Variants in CACNA2D3 observed in about 807,000 individuals in gnomAD.
The protein encoded by CACNA2D3 is voltage-dependent calcium channel subunit alpha-2/delta-3.
A neutral mutation model predicts 160.6 loss-of-function variants in CACNA2D3; 60 were observed. That is an observed-to-expected ratio of 0.37 (90% CI 0.30 to 0.46). The LOEUF (loss-of-function observed/expected upper bound fraction) is 0.46. Among genes scored for constraint, CACNA2D3 ranks in the 20% least tolerant of loss-of-function variants. The probability of loss-of-function intolerance (pLI) is 1.00; values close to 1 mark genes in which losing one functional copy is unlikely to be tolerated. For missense variants in CACNA2D3, 1,205 were observed against 1,365.0 expected (o/e 0.88, Z 1.85); for synonymous variants, 558 against 492.9 (o/e 1.13, Z -1.75).
intron 27 of CACNA2D3, chr3:54,925,016 T>C (rs1223402723): frequency 6.2e-7 from 1 of 1,614,128 alleles, no homozygotes; most frequent in East Asian, 2.2e-5. Context: ...CTGACCTAAA[T>C]GCAAAAGCAG....
intron 4 of CACNA2D3, among the ~76,000 whole-genome samples, chr3:54,387,656 A>ACAT (rs1312248097): frequency 3.3e-4 from 48 of 146,618 alleles, no homozygotes; most frequent in African/African-American, 1.1e-3. Context: ...TGTCTCAAAT[A>ACAT]AATAAGTAAG....
intron 2 of CACNA2D3, among the ~76,000 whole-genome samples, chr3:54,215,191 C>T (rs1354606205): frequency 1.3e-5 from 2 of 152,126 alleles, no homozygotes; most frequent in African/African-American, 4.8e-5. Context: ...ATCCTACCCC[C>T]CAGCTTTATT....
chr3:54,236,503 G>A (rs1701879268), intron 2 of CACNA2D3, among the ~76,000 whole-genome samples: 1 of 151,934 alleles, frequency 6.6e-6, no homozygotes, highest in South Asian at 2.1e-4. Context: ...GTAAACTCTG[G>A]AATTATTGTC....
intron 5 of CACNA2D3, among the ~76,000 whole-genome samples, chr3:54,504,702 A>C (rs1215696190): frequency 6.6e-6 from 1 of 152,210 alleles, no homozygotes; most frequent in Non-Finnish European, 1.5e-5. Flanking sequence ...CCAGTTTCCA[A>C]ATCATATACA....
chr3:55,029,984 G>A (rs754140910), intron 35 of CACNA2D3, among the ~76,000 whole-genome samples: 6 of 152,086 alleles, frequency 3.9e-5, no homozygotes, highest in Non-Finnish European at 7.4e-5. Flanking sequence ...ATTTCTAAAC[G>A]AGTCAGCTTT....
At chr3:54,518,123 A>C (rs1228033981) in intron 5 of CACNA2D3, among the ~76,000 whole-genome samples, 1 of 152,004 alleles carries the variant, frequency 6.6e-6, no homozygotes, top group Non-Finnish European at 1.5e-5. Context: ...AGGGCTGGGG[A>C]TGGGGGTGGA....
At chr3:54,860,025 T>C (rs1228071185) in intron 17 of CACNA2D3, among the ~76,000 whole-genome samples, 1 of 124,816 alleles carries the variant, frequency 8.0e-6, no homozygotes, top group Non-Finnish European at 1.7e-5. Context: ...AACACACATA[T>C]TCCAAATTAG....
intron 30 of CACNA2D3, among the ~76,000 whole-genome samples, chr3:54,986,949 T>C (rs527522050): frequency 6.6e-6 from 1 of 152,326 alleles, no homozygotes; most frequent in Admixed American, 6.5e-5. Flanking sequence ...TAATTCTTCA[T>C]TCCACCAAAG....
intron 35 of CACNA2D3, among the ~76,000 whole-genome samples, chr3:55,041,432 A>G (rs1448097385): frequency 6.6e-6 from 1 of 152,214 alleles, no homozygotes; most frequent in Non-Finnish European, 1.5e-5. Context: ...GGGCATTATC[A>G]AACCCTTGGA....
chr3:54,361,859 G>A (rs1698748937), intron 3 of CACNA2D3, among the ~76,000 whole-genome samples: 1 of 152,180 alleles, frequency 6.6e-6, no homozygotes, highest in Non-Finnish European at 1.5e-5. Context: ...CTCCTTCTCT[G>A]AGGAAGACTC....
At chr3:54,335,217 C>G (rs1267261181) in intron 3 of CACNA2D3, among the ~76,000 whole-genome samples, 1 of 152,162 alleles carries the variant, frequency 6.6e-6, no homozygotes, top group Non-Finnish European at 1.5e-5. Context: ...GGGTCCCAAT[C>G]CAGACCCCAA....
chr3:54,592,959 TAC>T (rs1702889252), intron 9 of CACNA2D3, among the ~76,000 whole-genome samples: 1 of 152,190 alleles, frequency 6.6e-6, no homozygotes, highest in Non-Finnish European at 1.5e-5. Flanking sequence ...GTATAGAATG[TAC>T]AGTTTGTGAG....
rs1702012024 is a variant in CACNA2D3, at chr3:54,243,527, A to G, written c.205-76915A>G. ...CATGTGTCTTTAACTTTGCAGCACA[A>G]ATGATAGTATTTCCTTTGTTACACT... On this transcript the variant is annotated intron_variant, in intron 2 of 37. Coordinates refer to ENST00000474759, the MANE Select transcript of CACNA2D3 (RefSeq NM_018398.3). Among the ~76,000 whole-genome samples the G allele has an allele frequency of 3.3e-5, 5 of 152,348 alleles. No homozygotes were observed. In the South Asian group the frequency reaches 1.0e-3, roughly 32 times the overall value.
chr3:55,022,805 C>T (rs1282213637), intron 35 of CACNA2D3, among the ~76,000 whole-genome samples: 3 of 151,512 alleles, frequency 2.0e-5, no homozygotes, highest in Non-Finnish European at 1.5e-5. Context: ...AGGATCTCCT[C>T]TCTCCTCCAG....
intron 2 of CACNA2D3, among the ~76,000 whole-genome samples, chr3:54,289,204 C>T (rs1703118185): frequency 6.6e-6 from 1 of 152,146 alleles, no homozygotes. Context: ...GCAACTTCAG[C>T]AAAGTCTCAG....
chr3:54,449,319 T>C (rs1700269278), intron 4 of CACNA2D3, among the ~76,000 whole-genome samples: 1 of 152,210 alleles, frequency 6.6e-6, no homozygotes, highest in Admixed American at 6.5e-5. Flanking sequence ...CAGGAATTTA[T>C]CTCTATGTGT....
At chr3:54,839,505 C>T (rs1380852743) in intron 16 of CACNA2D3, among the ~76,000 whole-genome samples, 1 of 152,180 alleles carries the variant, frequency 6.6e-6, no homozygotes, top group Non-Finnish European at 1.5e-5. Flanking sequence ...GCTCCACTGG[C>T]TGCACAGGGG....
At chr3:54,599,193 A>G (rs1420877996) in intron 9 of CACNA2D3, among the ~76,000 whole-genome samples, 1 of 152,074 alleles carries the variant, frequency 6.6e-6, no homozygotes, top group Non-Finnish European at 1.5e-5. Flanking sequence ...TCGGGTTGCC[A>G]CTCCTGACTT....
intron 4 of CACNA2D3, among the ~76,000 whole-genome samples, chr3:54,482,751 G>A (rs568406924): frequency 3.3e-5 from 5 of 152,060 alleles, no homozygotes; most frequent in Admixed American, 2.0e-4. Flanking sequence ...CCTTTCCAAC[G>A]AGTGACTCAG....
Sources: gnomAD v4.1 joint callset for allele counts (sites outside exome capture counted in the v4.1 genomes callset) on GRCh38, gnomAD v4.1.1 for gene constraint, MANE v1.5 for transcripts, NCBI Gene and HGNC (gene_info 2026-07-23, HGNC 2026-07-21) for gene names.